The following TMPRSS4 variants were observed in gnomAD, a reference collection of about 807,000 sequenced individuals.
TMPRSS4 encodes the protein transmembrane protease serine 4.
A neutral mutation model predicts 56.4 loss-of-function variants in TMPRSS4; 45 were observed. The ratio of observed to expected loss-of-function variants is 0.80; its 90% CI spans 0.63 to 1.02. TMPRSS4 has a LOEUF of 1.02. TMPRSS4 is among the 50% of genes least tolerant of loss of function. The probability of loss-of-function intolerance (pLI) is 0.00; values close to 1 mark genes in which losing one functional copy is unlikely to be tolerated. For synonymous variants in TMPRSS4, 205 were observed against 211.0 expected (o/e 0.97, Z 0.25); for missense variants, 546 against 556.7 (o/e 0.98, Z 0.19).
At chr11:118,115,934 G>C (rs1221509531) in intron 11 of TMPRSS4, among the ~76,000 whole-genome samples, 1 of 152,054 alleles carries the variant, frequency 6.6e-6, no homozygotes, top group African/African-American at 2.4e-5. Flanking sequence ...TATTTTCTCT[G>C]TGACTCTCCC....
Position 118,118,763 on chromosome 11 carries a change from C to T in TMPRSS4, c.*850C>T. The stretch of plus-strand genomic sequence containing the variant: ...TGACTTGGGAAAGAGATGAGTTAGG[C>T]AGTCAAGGGTGACATTCAATCAGGG... On this transcript the variant is annotated 3_prime_UTR_variant, in exon 13 of 13. Transcript: ENST00000437212. 1 of 985,416 alleles carries T rather than the reference C, an allele frequency of 1.0e-6. No individual in the cohort carries two copies. Among genetic ancestry groups the T allele is most frequent in the South Asian group, 4.7e-5 (1 of 21,284 alleles). The allele number at this position is 985,416 out of a possible 1,614,324, so 61.0% of individuals were successfully genotyped here. A position where few individuals can be genotyped will look rare whatever the true frequency, so the allele number is the denominator to read the frequency against.
At chr11:118,103,768 C>A (rs11216753) in intron 4 of TMPRSS4, among the ~76,000 whole-genome samples, 10,602 of 152,176 alleles carry the variant, frequency 0.07, 989 homozygotes, top group African/African-American at 0.21. Flanking sequence ...TATTTGATGA[C>A]CAAATGTGAG....
Position 118,115,292 on chromosome 11 carries a change from A to G in TMPRSS4, c.1152+12A>G. 1 of 1,611,686 alleles carries G rather than the reference A, an allele frequency of 6.2e-7. No homozygotes were observed. The highest frequency in any genetic ancestry group is 8.5e-7 in the Non-Finnish European group (1 of 1,179,596). On this transcript the variant is annotated intron_variant, in intron 11 of 12. Coordinates refer to ENST00000437212, the MANE Select transcript of TMPRSS4 (RefSeq NM_019894.4). The stretch of plus-strand genomic sequence containing the variant: ...TGGACACCTGCCAGGTGGGGCCTCC[A>G]AGAATCATGGGGAGTTCTAAGAATA...
At chr11:118,078,340 G>A (rs1944856859) in intron 1 of TMPRSS4, among the ~76,000 whole-genome samples, 1 of 152,170 alleles carries the variant, frequency 6.6e-6, no homozygotes, top group East Asian at 1.9e-4. Flanking sequence ...AAAGGGAAGG[G>A]AAGAGAGGAA....
chr11:118,114,852 C>G lies in TMPRSS4; in HGVS notation c.934C>G (p.Pro312Ala). 6.2e-7 allele frequency: 1 copy of G among 1,608,512 alleles called. No individual in the cohort carries two copies. The highest frequency in any genetic ancestry group is 8.5e-7 in the Non-Finnish European group (1 of 1,177,696). ...FSGTVRPICL[P>A]FFDEELTPAT... ...AGGCACAGTCAGGCCCATCTGTCTG[C>G]CCTTCTTTGATGAGGAGCTCACTCC... Residue 312 changes from proline (P) to alanine (A), a missense_variant, in exon 10 of 13, where the codon CCC (proline) becomes GCC (alanine). Physicochemically the swap from Pro to Ala is conservative, Grantham distance 27. Coordinates refer to ENST00000437212, the MANE Select transcript of TMPRSS4 (RefSeq NM_019894.4).
intron 1 of TMPRSS4, among the ~76,000 whole-genome samples, chr11:118,088,782 T>A (rs1390197439): frequency 6.6e-6 from 1 of 152,228 alleles, no homozygotes; most frequent in African/African-American, 2.4e-5. Flanking sequence ...GGTAAATAAA[T>A]ACATCTCCAG....
At chr11:118,097,062 G>GAAAGGAAAGGAAAGT (rs1415673940) in intron 2 of TMPRSS4, among the ~76,000 whole-genome samples, 1 of 151,670 alleles carries the variant, frequency 6.6e-6, no homozygotes, top group East Asian at 1.9e-4. Context: ...GAAAGGAAAG[G>GAAAGGAAAGGAAAGT]AAAGGAGGTA....
chr11:118,083,911 G>A (rs575270990), intron 1 of TMPRSS4, among the ~76,000 whole-genome samples: 2 of 152,152 alleles, frequency 1.3e-5, no homozygotes, highest in East Asian at 1.9e-4. Context: ...GGTGGCAGAC[G>A]CCTGTAATCC....
At chr11:118,095,018 CAGGATTCATTCCAGAAGTAGG>C (rs1946207446) in intron 2 of TMPRSS4, 163 bp downstream of exon 2, 1 of 752,336 alleles carries the variant, frequency 1.3e-6, no homozygotes, top group African/African-American at 1.7e-5. Flanking sequence ...GCAAACATTC[CAGGATTCATTCCAGAAGTAGG>C]AGGCCTGGAC....
chr11:118,104,745 A>C lies in TMPRSS4; in HGVS notation c.365A>C (p.Asn122Thr). 6.2e-7 allele frequency: 1 copy of C among 1,614,182 alleles called. No homozygotes were observed. Among genetic ancestry groups the C allele is most frequent in the Non-Finnish European group, 8.5e-7 (1 of 1,180,026 alleles). Residue 122 changes from asparagine to threonine, a missense_variant, in exon 5 of 13, where the codon AAC (asparagine) becomes ACC (threonine). By Grantham distance (65) the Asn-to-Thr change is moderately conservative (BLOSUM62 0). Coordinates refer to ENST00000437212, the MANE Select transcript of TMPRSS4 (RefSeq NM_019894.4). ...TLQVLDSATG[N>T]WFSACFDNFT... ...CAGGTGCTGGACTCGGCCACAGGGA[A>C]CTGGTTCTCTGCCTGTTTCGACAAC...
rs1947799946 is a variant in TMPRSS4 at position 118,121,746 on chromosome 11, A to G, written c.*3833A>G. 6.6e-6 allele frequency: 1 copy of G among 152,210 alleles called. No homozygotes were observed. The highest frequency in any genetic ancestry group is 1.5e-5 in the Non-Finnish European group (1 of 68,038). 9.4% of individuals were successfully genotyped at this position (152,210 alleles called of 1,614,324 possible). On this transcript the variant is annotated 3_prime_UTR_variant, in exon 13 of 13. Transcript: ENST00000437212. ...GCTATGAGTAGAAAAATACATCAGTAAAGAAAAAAGACCCTGTATATAAAT... is the reference window on the plus strand; with the variant it reads ...GCTATGAGTAGAAAAATACATCAGTGAAGAAAAAAGACCCTGTATATAAAT...
In TMPRSS4 at chr11:118,099,112, C is replaced by T. The variant is rs778645120; in HGVS notation, c.157+14C>T. ...TGGTTGTCCTCAGTAAGTGACAGCC[C>T]GTACCCGACTTTCACCCTCTAAGTA... On this transcript the variant is annotated intron_variant, in intron 3 of 12. Transcript: ENST00000437212. 1.6e-5 allele frequency: 26 copies of T among 1,603,408 alleles called. No individual in the cohort carries two copies. In the Admixed American group the frequency reaches 2.2e-4, roughly 13 times the overall value.
chr11:118,120,715 A>G lies in TMPRSS4; in HGVS notation c.*2802A>G, dbSNP rs1947765367. On this transcript the variant is annotated 3_prime_UTR_variant, in exon 13 of 13. Transcript: ENST00000437212. The stretch of plus-strand genomic sequence containing the variant: ...GAGATAAGGAGATTAAAAATATGAA[A>G]ACAAGGCCAGGAGCAATGAAGCCTA... The G allele has an allele frequency of 6.6e-6, 1 of 152,188 alleles. No individual in the cohort carries two copies. The highest frequency in any genetic ancestry group is 2.4e-5 in the African/African-American group (1 of 41,452). 9.4% of individuals were successfully genotyped at this position (152,188 alleles called of 1,614,324 possible).
At chr11:118,116,900 C>T (rs530492269) in intron 11 of TMPRSS4, among the ~76,000 whole-genome samples, 3 of 151,896 alleles carry the variant, frequency 2.0e-5, no homozygotes, top group East Asian at 1.9e-4. Context: ...GTAGTAGAGA[C>T]GGGTTTCACC....
chr11:118,105,156 G>A (rs1321834218), intron 5 of TMPRSS4, among the ~76,000 whole-genome samples: 3 of 152,026 alleles, frequency 2.0e-5, no homozygotes, highest in Non-Finnish European at 4.4e-5. Flanking sequence ...TCACTCCTTT[G>A]TGCTGGCTTT....
chr11:118,117,724 C>A lies in TMPRSS4; in HGVS notation c.1303-178C>A, dbSNP rs112113701. 1.9e-4 allele frequency: 186 copies of A among 985,428 alleles called. No individual in the cohort carries two copies. In the African/African-American group the frequency reaches 3.1e-3, roughly 17 times the overall value. 61.0% of individuals were successfully genotyped at this position (985,428 alleles called of 1,614,324 possible). On this transcript the variant is annotated intron_variant, in intron 12 of 12. Transcript: ENST00000437212. The stretch of plus-strand genomic sequence containing the variant: ...ACAGAATGAGACTATCAGATCCTTT[C>A]TAGAGAGAAGATTCTGATAAGGAAG...
intron 4 of TMPRSS4, among the ~76,000 whole-genome samples, chr11:118,104,016 T>C (rs1341231277): frequency 4.6e-5 from 7 of 152,170 alleles, no homozygotes; most frequent in Non-Finnish European, 1.0e-4. Context: ...TTTCAATGGA[T>C]AGGAGATGTT....
chr11:118,085,495 T>A (rs1168309773), intron 1 of TMPRSS4, among the ~76,000 whole-genome samples: 1 of 152,080 alleles, frequency 6.6e-6, no homozygotes, highest in Non-Finnish European at 1.5e-5. Context: ...CTCCCTGCCA[T>A]TTCCCTCCCT....
intron 4 of TMPRSS4, 110 bp from the exon 5 acceptor site, chr11:118,104,581 C>A: frequency 1.3e-6 from 2 of 1,528,376 alleles, no homozygotes; most frequent in South Asian, 2.4e-5. Flanking sequence ...GGCTCTGTGG[C>A]ACCCCCAGTT....
Sources: allele counts gnomAD v4.1 joint callset (sites outside exome capture counted in the v4.1 genomes callset), GRCh38; gene constraint gnomAD v4.1.1; transcripts MANE v1.5; gene names NCBI Gene and HGNC (gene_info 2026-07-23, HGNC 2026-07-21).